The following KLB variants were observed in gnomAD, a reference collection of about 807,000 sequenced individuals.
The protein encoded by KLB is beta-klotho.
A neutral mutation model predicts 88.4 loss-of-function variants in KLB; 44 were observed. That is an observed-to-expected ratio of 0.50 (90% CI 0.39 to 0.64). KLB has a LOEUF of 0.64. Among genes scored for constraint, KLB ranks in the 30% least tolerant of loss-of-function variants. KLB has a pLI of 0.00. For missense variants in KLB, 1,137 were observed against 1,304.8 expected, an observed-to-expected ratio of 0.87 and a Z score of 1.98; for synonymous variants, 548 against 513.4, an observed-to-expected ratio of 1.07 and a Z score of -0.91.
Position 39,407,449 on chromosome 4 carries a change from C to T in KLB, c.500C>T (p.Ala167Val), listed in dbSNP as rs533003639. ...RLFPDGIVTV[A>V]NAKGLQYYST... ...TTCCCCGATGGAATAGTAACAGTTG[C>T]CAACGCAAAAGGTCTGCAGTACTAC... Residue 167 changes from alanine to valine, a missense_variant, in exon 1 of 5, where the codon GCC becomes GTC. Coordinates refer to ENST00000257408, the MANE Select transcript of KLB (RefSeq NM_175737.4). 2 of 1,614,120 alleles carry T rather than the reference C, an allele frequency of 1.2e-6. No homozygotes were observed. The highest frequency in any genetic ancestry group is 2.2e-5 in the South Asian group (2 of 91,084).
chr4:39,439,187 C>T (rs1399966621), intron 3 of KLB, among the ~76,000 whole-genome samples: 2 of 151,930 alleles, frequency 1.3e-5, no homozygotes, highest in South Asian at 4.2e-4. Flanking sequence ...TTTGTACAGA[C>T]AGAGTCTTAC....
rs1743848849 is a variant in KLB, at chr4:39,449,796, G to C, written c.*1110G>C. The C allele has an allele frequency of 6.6e-6, 1 of 152,120 alleles. No individual in the cohort carries two copies. Among genetic ancestry groups the C allele is most frequent in the Non-Finnish European group, 1.5e-5 (1 of 68,084 alleles). The allele number at this position is 152,120 out of a possible 1,614,324, so 9.4% of individuals were successfully genotyped here. ...AAAAGTTAGCCGGGCATGGTGGTGG[G>C]CACCTGTAATCCCAGCTACTCAGGA... On this transcript the variant is annotated 3_prime_UTR_variant, in exon 5 of 5. Transcript: ENST00000257408.
chr4:39,407,252 G>A lies in KLB; in HGVS notation c.303G>A (p.Lys101=), dbSNP rs777061662. The change falls in exon 1 of 5, where the codon AAG becomes AAA. Residue 101 remains lysine (K), a synonymous_variant. Transcript: ENST00000257408. ...CATTGCAAGTGGAAGGGAGTTGGAA[G>A]AAGGATGGAAAAGGACCTTCTATAT... is the stretch of plus-strand genomic sequence containing the variant. ...TGALQVEGSW[K]KDGKGPSIWD... The A allele has an allele frequency of 6.2e-7, 1 of 1,614,184 alleles. No homozygotes were observed. The highest frequency in any genetic ancestry group is 8.5e-7 in the Non-Finnish European group (1 of 1,180,036).
intron 1 of KLB, among the ~76,000 whole-genome samples, chr4:39,408,309 GAGA>G (rs561658150): frequency 1.9e-4 from 29 of 152,212 alleles, no homozygotes; most frequent in African/African-American, 7.0e-4. Flanking sequence ...TAGCAAAAAA[GAGA>G]AGATTAATTG....
At position 39,407,009 on chromosome 4, in the gene KLB, T is replaced by C. The variant is rs760774239; in HGVS notation, c.60T>C (p.Asp20=). 6.2e-7 allele frequency: 1 copy of C among 1,614,100 alleles called. No homozygotes were observed. Among genetic ancestry groups the C allele is most frequent in the South Asian group, 1.1e-5 (1 of 91,072 alleles). ...PGNEWIFFST[D]EITTRYRNTM... is the part of the protein sequence containing the mutation. Reference sequence around the variant, plus strand: ...ATGAATGGATTTTCTTCAGCACTGATGAAATAACCACACGCTATAGGAATA... The same window carrying C: ...ATGAATGGATTTTCTTCAGCACTGACGAAATAACCACACGCTATAGGAATA... The change falls in exon 1 of 5, where the codon GAT becomes GAC. Residue 20 remains aspartate, a synonymous_variant. Coordinates refer to ENST00000257408, the MANE Select transcript of KLB (RefSeq NM_175737.4).
chr4:39,437,129 C>A (rs1017385323), intron 2 of KLB, among the ~76,000 whole-genome samples: 1 of 152,158 alleles, frequency 6.6e-6, no homozygotes, highest in Non-Finnish European at 1.5e-5. Flanking sequence ...AATGAGGAAA[C>A]CGAGGCCAAG....
intron 1 of KLB, among the ~76,000 whole-genome samples, chr4:39,429,662 TGTAGAATGG>T (rs1228352660): frequency 6.6e-6 from 1 of 152,228 alleles, no homozygotes; most frequent in East Asian, 1.9e-4. Context: ...CTTGGAAAAG[TGTAGAATGG>T]CTGTTGTGCA....
At chr4:39,433,766 A>G (rs1316124651) in intron 1 of KLB, among the ~76,000 whole-genome samples, 1 of 152,128 alleles carries the variant, frequency 6.6e-6, no homozygotes, top group East Asian at 1.9e-4. Flanking sequence ...AAGCTGAGAC[A>G]GGAGAATTGC....
chr4:39,419,501 C>T (rs1257232793), intron 1 of KLB, among the ~76,000 whole-genome samples: 5 of 152,230 alleles, frequency 3.3e-5, no homozygotes, highest in South Asian at 2.1e-4. Context: ...TGGCCGAGCA[C>T]GGTGGCTCAC....
In KLB at chr4:39,421,810, G is replaced by A. The variant is rs182627668; in HGVS notation, c.826-12400G>A. On this transcript the variant is annotated intron_variant, in intron 1 of 4. Transcript: ENST00000257408. ...CACCCAGACTGGAGCTCAGTGGTGC[G>A]ATCAGCTCACCCTAACCTCCGCCTC... is the stretch of plus-strand genomic sequence containing the variant. 3.4e-3 allele frequency among the ~76,000 whole-genome samples: 510 copies of A among 151,296 alleles called. 2 individuals carry two copies. Among genetic ancestry groups the A allele is most frequent in the African/African-American group, 0.011 (462 of 41,306 alleles).
At chr4:39,421,126 G>A (rs889299991) in intron 1 of KLB, among the ~76,000 whole-genome samples, 3 of 151,648 alleles carry the variant, frequency 2.0e-5, no homozygotes, top group Admixed American at 6.6e-5. Flanking sequence ...TTTTTCTCCT[G>A]TTAGACACCA....
At position 39,446,594 on chromosome 4, in the gene KLB, A is replaced by G. The variant is rs1356685893; in HGVS notation, c.1868A>G (p.Tyr623Cys). 1 of 1,614,142 alleles carries G rather than the reference A, an allele frequency of 6.2e-7. No homozygotes were observed. Among genetic ancestry groups the G allele is most frequent in the Non-Finnish European group, 8.5e-7 (1 of 1,179,998 alleles). ...GTGAACCGACAGGCCCTGAGGTACT[A>G]CAGGTGCGTGGTCAGTGAGGGGCTG... ...SAVNRQALRYYRCVVSEGLKL... is the reference protein window; with the variant it reads ...SAVNRQALRYCRCVVSEGLKL... Residue 623 changes from tyrosine (Y) to cysteine (C), a missense_variant, in exon 4 of 5, where the codon TAC becomes TGC. Physicochemically the swap from Tyr to Cys is radical, Grantham distance 194. Around this residue, in one of 4 missense-constraint regions of KLB, gnomAD observed 597 missense variants for 765.2 expected, o/e 0.78. Coordinates refer to ENST00000257408, the MANE Select transcript of KLB (RefSeq NM_175737.4). The surrounding 1 kb of genome is among the most constrained non-coding windows in gnomAD (Gnocchi z 6.4).
At chr4:39,445,498 T>C (rs926909422) in intron 3 of KLB, among the ~76,000 whole-genome samples, 9 of 138,544 alleles carry the variant, frequency 6.5e-5, no homozygotes, top group African/African-American at 2.3e-4. Flanking sequence ...CTTGAACTTT[T>C]CTTTTCTTTT....
rs761912794 is a variant in KLB, at chr4:39,434,483, G to C, written c.1099G>C (p.Ala367Pro). 6.2e-7 allele frequency: 1 copy of C among 1,614,220 alleles called. No homozygotes were observed. Among genetic ancestry groups the C allele is most frequent in the South Asian group, 1.1e-5 (1 of 91,084 alleles). ...EAEKHEMRGT[A>P]DFFAFSFGPN... ...AGAGAAGCATGAGATGAGAGGCACA[G>C]CTGATTTCTTTGCCTTTTCTTTTGG... Residue 367 changes from alanine to proline, a missense_variant, in exon 2 of 5, where the codon GCT (alanine) becomes CCT (proline). Ala to Pro is a conservative substitution (Grantham distance 27). Around this residue, in one of 4 missense-constraint regions of KLB, gnomAD observed 597 missense variants for 765.2 expected, o/e 0.78. Transcript: ENST00000257408.
intron 2 of KLB, 126 bp from the exon 3 acceptor site, chr4:39,437,601 C>T (rs1363440528): frequency 9.3e-7 from 1 of 1,077,748 alleles, no homozygotes; most frequent in Non-Finnish European, 1.3e-6. Context: ...TTTGATACAG[C>T]AGACCTGAAA....
intron 4 of KLB, 121 bp downstream of exon 4, chr4:39,447,596 T>C (rs1019492995): frequency 1.9e-5 from 15 of 797,744 alleles, no homozygotes; most frequent in Admixed American, 1.0e-4. Flanking sequence ...CCAAGTCCTG[T>C]CAATTGAATT....
chr4:39,428,651 A>G (rs1253627956), intron 1 of KLB, among the ~76,000 whole-genome samples: 2 of 152,174 alleles, frequency 1.3e-5, no homozygotes, highest in Non-Finnish European at 1.5e-5. Context: ...TCTGAAAACC[A>G]AAAACAGCGT....
chr4:39,417,265 C>T (rs1290282330), intron 1 of KLB, among the ~76,000 whole-genome samples: 1 of 151,950 alleles, frequency 6.6e-6, no homozygotes, highest in Non-Finnish European at 1.5e-5. Context: ...TTACTTTCTT[C>T]CTTCCACCAC....
intron 1 of KLB, among the ~76,000 whole-genome samples, chr4:39,410,872 G>A (rs776358557): frequency 3.9e-5 from 6 of 152,200 alleles, no homozygotes; most frequent in Non-Finnish European, 8.8e-5. Context: ...ACTCCATCTC[G>A]GTTTGAAATG....
Sources: gnomAD v4.1 joint callset for allele counts (sites outside exome capture counted in the v4.1 genomes callset) on GRCh38, gnomAD v4.1.1 for gene constraint, gnomAD v4.1.1 regional missense constraint, Gnocchi (gnomAD v3.1) non-coding constraint, MANE v1.5 for transcripts, NCBI Gene and HGNC (gene_info 2026-07-23, HGNC 2026-07-21) for gene names.